GABRB2: variants seen among roughly 807,000 people sequenced by gnomAD.
GABRB2 encodes gamma-aminobutyric acid type A receptor subunit beta2, also known as gamma-aminobutyric acid receptor subunit beta-2.
Under a neutral mutation model 54.7 loss-of-function variants are expected in GABRB2, and 16 were observed. The observed-to-expected ratio is 0.29, with a 90% CI of 0.20 to 0.44. GABRB2 has a LOEUF of 0.44. Among genes scored for constraint, GABRB2 ranks in the 20% least tolerant of loss-of-function variants. The pLI is 1.00. For missense variants in GABRB2, 355 were observed against 644.0 expected (o/e 0.55, Z 4.86); for synonymous variants, 244 against 233.8 (o/e 1.04, Z -0.40).
chr5:161,515,467 C>T (rs1276438519), intron 3 of GABRB2, among the ~76,000 whole-genome samples: 1 of 151,812 alleles, frequency 6.6e-6, no homozygotes, highest in Admixed American at 6.6e-5. Flanking sequence ...AGAGATTTTT[C>T]TGTTTTTATT....
At chr5:161,448,015 T>C (rs1046502668) in intron 4 of GABRB2, among the ~76,000 whole-genome samples, 1 of 152,200 alleles carries the variant, frequency 6.6e-6, no homozygotes, top group Non-Finnish European at 1.5e-5. Flanking sequence ...AGAATGATTA[T>C]TGATGCTCAA....
chr5:161,428,793 AT>A (rs1220631995), intron 4 of GABRB2, among the ~76,000 whole-genome samples: 1 of 152,108 alleles, frequency 6.6e-6, no homozygotes, highest in Non-Finnish European at 1.5e-5. Context: ...GGATAAACTA[AT>A]CTAGGAAGCT....
chr5:161,450,353 C>A (rs944679597), intron 4 of GABRB2, among the ~76,000 whole-genome samples: 5 of 152,098 alleles, frequency 3.3e-5, no homozygotes, highest in African/African-American at 1.2e-4. Flanking sequence ...AGAAAAGAGG[C>A]AAACTTGCTT....
chr5:161,545,435 GT>G (rs1760950592), intron 2 of GABRB2, 141 bp from the exon 3 acceptor site: 1 of 167,270 alleles, frequency 6.0e-6, no homozygotes, highest in Non-Finnish European at 1.0e-5. Context: ...TGCTTTTTTT[GT>G]TAAAAAAAAA....
At chr5:161,340,185 A>G (rs977366371) in intron 5 of GABRB2, among the ~76,000 whole-genome samples, 5 of 152,054 alleles carry the variant, frequency 3.3e-5, no homozygotes, top group African/African-American at 1.2e-4. Flanking sequence ...TAGCATTTCA[A>G]CCAGGTTATA....
At chr5:161,416,593 T>A (rs1434838564) in intron 4 of GABRB2, among the ~76,000 whole-genome samples, 1 of 149,130 alleles carries the variant, frequency 6.7e-6, no homozygotes, top group East Asian at 2.0e-4. Flanking sequence ...TTAGATGCCT[T>A]GGCTGAGGCA....
At chr5:161,409,390 A>G (rs2113108999) in intron 5 of GABRB2, among the ~76,000 whole-genome samples, 1 of 152,266 alleles carries the variant, frequency 6.6e-6, no homozygotes, top group South Asian at 2.1e-4. Flanking sequence ...TATTTGAGTC[A>G]AAATTATAAT....
chr5:161,504,876 G>A (rs1759556732), intron 3 of GABRB2, among the ~76,000 whole-genome samples: 1 of 150,658 alleles, frequency 6.6e-6, no homozygotes, highest in African/African-American at 2.4e-5. Flanking sequence ...TTCATTCAGA[G>A]AGACAATTCA....
At chr5:161,334,210 T>C (rs1469752013) in intron 7 of GABRB2, among the ~76,000 whole-genome samples, 1 of 152,142 alleles carries the variant, frequency 6.6e-6, no homozygotes, top group Non-Finnish European at 1.5e-5. Context: ...TCATGAAATG[T>C]AATTTATTCT....
At chr5:161,536,662 T>C (rs2113466911) in intron 3 of GABRB2, among the ~76,000 whole-genome samples, 1 of 152,312 alleles carries the variant, frequency 6.6e-6, no homozygotes, top group Middle Eastern at 3.4e-3. Context: ...AGTGGCACGA[T>C]CTCGGCTCAC....
intron 2 of GABRB2, 50 bp downstream of exon 2, chr5:161,546,272 A>C (rs1327066296): frequency 1.3e-6 from 2 of 1,498,008 alleles, no homozygotes; most frequent in Admixed American, 1.7e-5. Context: ...ACAAAGCTCA[A>C]AAGACAGCTT....
intron 5 of GABRB2, among the ~76,000 whole-genome samples, chr5:161,369,012 G>A (rs890495306): frequency 6.6e-6 from 1 of 152,270 alleles, no homozygotes; most frequent in East Asian, 1.9e-4. Context: ...TTTTAAAAAA[G>A]AGAAGGCAGA....
At chr5:161,473,374 A>G (rs1758501053) in intron 3 of GABRB2, among the ~76,000 whole-genome samples, 1 of 152,028 alleles carries the variant, frequency 6.6e-6, no homozygotes, top group South Asian at 2.1e-4. Context: ...CAAGATGCGG[A>G]AAAAGTGTAA....
intron 4 of GABRB2, among the ~76,000 whole-genome samples, chr5:161,454,268 G>A (rs959209397): frequency 2.0e-5 from 3 of 152,132 alleles, no homozygotes; most frequent in Non-Finnish European, 2.9e-5. Context: ...ATGACCACCT[G>A]GGTCCCATGC....
intron 4 of GABRB2, among the ~76,000 whole-genome samples, chr5:161,415,124 G>T (rs1017443777): frequency 3.9e-5 from 6 of 152,202 alleles, no homozygotes; most frequent in African/African-American, 1.4e-4. Flanking sequence ...TGTCTTTGAA[G>T]TGAGGCTAGT....
At chr5:161,526,075 G>T (rs1242364619) in intron 3 of GABRB2, among the ~76,000 whole-genome samples, 1 of 151,296 alleles carries the variant, frequency 6.6e-6, no homozygotes, top group African/African-American at 2.4e-5. Context: ...TTCAATGAAA[G>T]ACTTTCTAAA....
At chr5:161,515,925 A>G (rs559128049) in intron 3 of GABRB2, among the ~76,000 whole-genome samples, 5 of 152,182 alleles carry the variant, frequency 3.3e-5, no homozygotes, top group Non-Finnish European at 7.4e-5. Flanking sequence ...CAGAGGCACT[A>G]TTAACCTGAC....
intron 4 of GABRB2, among the ~76,000 whole-genome samples, chr5:161,429,354 A>AAAAAAAAAAAAAG (rs1561646885): frequency 1.3e-5 from 2 of 148,962 alleles, no homozygotes; most frequent in Non-Finnish European, 3.0e-5. Context: ...TCAAAAAAAA[A>AAAAAAAAAAAAAG]AAAAGAAAAA....
chr5:161,476,346 A>C (rs2113311906), intron 3 of GABRB2, among the ~76,000 whole-genome samples: 2 of 152,036 alleles, frequency 1.3e-5, no homozygotes, highest in East Asian at 3.9e-4. Flanking sequence ...AGTATTGTTA[A>C]GATGTCAACA....
Sources: allele counts gnomAD v4.1 joint callset (sites outside exome capture counted in the v4.1 genomes callset), GRCh38; gene constraint gnomAD v4.1.1; transcripts MANE v1.5; gene names NCBI Gene and HGNC (gene_info 2026-07-23, HGNC 2026-07-21).